TMOD3: variants seen among roughly 807,000 people sequenced by gnomAD.
TMOD3 encodes the protein tropomodulin-3.
A neutral mutation model predicts 39.2 loss-of-function variants in TMOD3; 20 were observed. That is an observed-to-expected ratio of 0.51 (90% confidence interval 0.36 to 0.74). The LOEUF (loss-of-function observed/expected upper bound fraction) is 0.74. Ranked by LOEUF, TMOD3 falls within the 30% of genes least tolerant of loss-of-function variation. The pLI, the probability that TMOD3 is intolerant of heterozygous loss-of-function variation, is 0.00. For missense variants in TMOD3, 381 were observed against 412.8 expected (o/e 0.92, Z 0.67); for synonymous variants, 143 against 145.8 (o/e 0.98, Z 0.14).
chr15:51,905,220 G>A lies in TMOD3; in HGVS notation c.1024+3184G>A, dbSNP rs184314390. Reference sequence around the variant, plus strand: ...AAAGTGGTATCAGCAGATTGAGGCCGGGTGCAGTGGCTCACGCCTGTAATC... The same window carrying A: ...AAAGTGGTATCAGCAGATTGAGGCCAGGTGCAGTGGCTCACGCCTGTAATC... On this transcript the variant is annotated intron_variant, in intron 9 of 9. Transcript: ENST00000308580. Among the ~76,000 whole-genome samples the A allele has an allele frequency of 1.7e-4, 26 of 152,264 alleles. No individual in the cohort carries two copies. In the East Asian group the frequency reaches 4.2e-3, roughly 25 times the overall value.
intron 3 of TMOD3, among the ~76,000 whole-genome samples, chr15:51,886,633 C>T (rs1031116895): frequency 8.6e-5 from 13 of 152,032 alleles, no homozygotes; most frequent in Middle Eastern, 3.4e-3. Context: ...CCAGCCTCGG[C>T]TGGGCATCAG....
chr15:51,836,344 A>G (rs1203203829), intron 1 of TMOD3, among the ~76,000 whole-genome samples: 3 of 152,036 alleles, frequency 2.0e-5, no homozygotes, highest in African/African-American at 4.8e-5. Context: ...GCAACCACTA[A>G]TCTACTCTCT....
intron 3 of TMOD3, among the ~76,000 whole-genome samples, chr15:51,875,914 G>A (rs1045379768): frequency 3.3e-5 from 5 of 151,890 alleles, no homozygotes; most frequent in East Asian, 1.9e-4. Flanking sequence ...CACCGTGCCC[G>A]GCCTAAAGTA....
At chr15:51,882,147 C>T (rs1047270728) in intron 3 of TMOD3, among the ~76,000 whole-genome samples, 4 of 151,834 alleles carry the variant, frequency 2.6e-5, no homozygotes, top group Admixed American at 6.6e-5. Flanking sequence ...CATCCGCCTC[C>T]GCCTCCCAAC....
intron 1 of TMOD3, among the ~76,000 whole-genome samples, chr15:51,862,447 A>G (rs895537572): frequency 1.6e-4 from 24 of 152,230 alleles, no homozygotes. Context: ...TGCCTTAAAC[A>G]TATTGTGCTG....
rs556043037 is a variant in TMOD3, at chr15:51,867,240, G to A, written c.127-1977G>A. On this transcript the variant is annotated intron_variant, in intron 2 of 9. Coordinates refer to ENST00000308580, the MANE Select transcript of TMOD3 (RefSeq NM_014547.5). ...CTCAGCAAGCTTAGATCATAGTTTC[G>A]ACCAAAGTAATAATGTTGGAGATGG... Among the ~76,000 whole-genome samples the A allele has an allele frequency of 2.1e-3, 324 of 152,272 alleles. 7 individuals carry two copies. The South Asian group carries it at 0.043, about 20-fold the overall frequency.
At chr15:51,901,755 G>A (rs1389458374) in intron 8 of TMOD3, 137 bp from the exon 9 acceptor site, 1 of 857,738 alleles carries the variant, frequency 1.2e-6, no homozygotes, top group Non-Finnish European at 1.8e-6. Flanking sequence ...TGGAACTACT[G>A]AACTATGTAT....
Position 51,862,823 on chromosome 15 carries a change from G to C in TMOD3, c.-62G>C. 4 of 1,510,382 alleles carry C rather than the reference G, an allele frequency of 2.6e-6. No individual in the cohort carries two copies. The highest frequency in any genetic ancestry group is 3.5e-6 in the Non-Finnish European group (4 of 1,128,800). The allele number at this position is 1,510,382 out of a possible 1,614,324, so 93.6% of individuals were successfully genotyped here. On this transcript the variant is annotated 5_prime_UTR_variant, in exon 2 of 10. Transcript: ENST00000308580. The stretch of plus-strand genomic sequence containing the variant: ...CTTCTCTCCATAGCTTTAAGAAAAA[G>C]TAGAGATCACTTCTGACTGTACTGA...
intron 1 of TMOD3, among the ~76,000 whole-genome samples, chr15:51,843,104 C>T (rs1020733925): frequency 6.6e-6 from 1 of 152,266 alleles, no homozygotes; most frequent in Non-Finnish European, 1.5e-5. Flanking sequence ...ACCTGGAGCA[C>T]TGCTGATCTT....
chr15:51,836,297 T>TCCCAATTCCC (rs34612199), intron 1 of TMOD3, among the ~76,000 whole-genome samples: 3 of 152,132 alleles, frequency 2.0e-5, no homozygotes, highest in Admixed American at 6.6e-5. Flanking sequence ...ACCTAATTCC[T>TCCCAATTCCC]CCCAATTCCC....
chr15:51,899,448 T>A (rs542737266), intron 7 of TMOD3, among the ~76,000 whole-genome samples: 1 of 152,222 alleles, frequency 6.6e-6, no homozygotes, highest in South Asian at 2.1e-4. Context: ...GGTGGATTGC[T>A]TGAGCCCAGG....
chr15:51,900,084 T>A, intron 7 of TMOD3, 71 bp from the exon 8 acceptor site: 1 of 1,422,788 alleles, frequency 7.0e-7, no homozygotes, highest in Non-Finnish European at 9.7e-7. Context: ...ATGTATTTAT[T>A]TATGGCATGT....
Position 51,911,990 on chromosome 15 carries a change from A to G in TMOD3, c.*3180A>G, listed in dbSNP as rs2056714035. 6.6e-6 allele frequency: 1 copy of G among 152,152 alleles called. No individual in the cohort carries two copies. Among genetic ancestry groups the G allele is most frequent in the African/African-American group, 2.4e-5 (1 of 41,434 alleles). The allele number at this position is 152,152 out of a possible 1,614,324, so 9.4% of individuals were successfully genotyped here. A position where few individuals can be genotyped will look rare whatever the true frequency, so the allele number is the denominator to read the frequency against. ...GACTTCATGTTATTTGATTGAAATA[A>G]CCCACATCCTTGCTTTGTATAAGAT... is the stretch of plus-strand genomic sequence containing the variant. On this transcript the variant is annotated 3_prime_UTR_variant, in exon 10 of 10. Coordinates refer to ENST00000308580, the MANE Select transcript of TMOD3 (RefSeq NM_014547.5).
At chr15:51,890,529 G>A (rs1277661732) in intron 5 of TMOD3, among the ~76,000 whole-genome samples, 2 of 151,972 alleles carry the variant, frequency 1.3e-5, no homozygotes, top group East Asian at 1.9e-4. Flanking sequence ...GCTCTTGGAC[G>A]TGAAGTACTC....
intron 3 of TMOD3, among the ~76,000 whole-genome samples, chr15:51,877,475 C>T (rs932201075): frequency 3.9e-5 from 6 of 151,902 alleles, no homozygotes; most frequent in South Asian, 4.1e-4. Flanking sequence ...GTCAGCAGTT[C>T]GATACCAGCC....
chr15:51,889,934 C>T (rs543566945), intron 5 of TMOD3, among the ~76,000 whole-genome samples: 1 of 152,230 alleles, frequency 6.6e-6, no homozygotes, highest in South Asian at 2.1e-4. Context: ...CACATTTAAA[C>T]AGTACATAAG....
chr15:51,885,420 A>G (rs1195844521), intron 3 of TMOD3, among the ~76,000 whole-genome samples: 4 of 151,818 alleles, frequency 2.6e-5, no homozygotes, highest in Admixed American at 6.6e-5. Flanking sequence ...TGGTTTTCCT[A>G]GGCAGAGGAC....
At chr15:51,867,157 G>T (rs2056451289) in intron 2 of TMOD3, among the ~76,000 whole-genome samples, 1 of 152,186 alleles carries the variant, frequency 6.6e-6, no homozygotes, top group South Asian at 2.1e-4. Context: ...TGAGGGGCTG[G>T]TGGTGAAGGA....
rs988394738 is a variant in TMOD3 at position 51,913,320 on chromosome 15, T to A, written c.*4510T>A. The stretch of plus-strand genomic sequence containing the variant: ...CATTCTTAGATCTACAGATTGAACA[T>A]CCCTAATTGAAAACTTTTTGAGTAC... On this transcript the variant is annotated 3_prime_UTR_variant, in exon 10 of 10. Coordinates refer to ENST00000308580, the MANE Select transcript of TMOD3 (RefSeq NM_014547.5). 1 of 152,166 alleles carries A rather than the reference T, an allele frequency of 6.6e-6. No homozygotes were observed. Among genetic ancestry groups the A allele is most frequent in the African/African-American group, 2.4e-5 (1 of 41,420 alleles). The allele number at this position is 152,166 out of a possible 1,614,324, so 9.4% of individuals were successfully genotyped here. A position where few individuals can be genotyped will look rare whatever the true frequency, so the allele number is the denominator to read the frequency against.
Sources: allele counts gnomAD v4.1 joint callset (sites outside exome capture counted in the v4.1 genomes callset), GRCh38; gene constraint gnomAD v4.1.1; transcripts MANE v1.5; gene names NCBI Gene and HGNC (gene_info 2026-07-23, HGNC 2026-07-21).